ZSWIM5: variants seen among roughly 807,000 people sequenced by gnomAD.
ZSWIM5 encodes zinc finger SWIM domain-containing protein 5.
Under a neutral mutation model 119.6 loss-of-function variants are expected in ZSWIM5, and 55 were observed. The ratio of observed to expected loss-of-function variants is 0.46; its 90% CI spans 0.37 to 0.58. The LOEUF (loss-of-function observed/expected upper bound fraction) is 0.58. Among genes scored for constraint, ZSWIM5 ranks in the 20% least tolerant of loss-of-function variants. ZSWIM5 has a pLI of 0.00. For missense variants in ZSWIM5, 1,193 were observed against 1,512.8 expected (o/e 0.79, Z 3.51); for synonymous variants, 537 against 606.9 (o/e 0.88, Z 1.69).
chr1:45,119,834 C>T (rs965466192), intron 1 of ZSWIM5, among the ~76,000 whole-genome samples: 5 of 152,174 alleles, frequency 3.3e-5, no homozygotes, highest in African/African-American at 9.7e-5. Flanking sequence ...TTCTGATGAT[C>T]TCATCTTACA....
chr1:45,159,204 T>C (rs1645848637), intron 1 of ZSWIM5, among the ~76,000 whole-genome samples: 1 of 152,184 alleles, frequency 6.6e-6, no homozygotes, highest in Admixed American at 6.5e-5. Context: ...TAAGTTATAG[T>C]AATCACTATA....
chr1:45,035,979 AG>A, intron 9 of ZSWIM5, 59 bp downstream of exon 9: 1 of 1,584,544 alleles, frequency 6.3e-7, no homozygotes, highest in Non-Finnish European at 8.6e-7. Flanking sequence ...ACTCTATTGG[AG>A]AGGGGAGCTC....
chr1:45,069,937 G>T, intron 2 of ZSWIM5: 1 of 617,140 alleles, frequency 1.6e-6, no homozygotes, highest in South Asian at 1.9e-5. Flanking sequence ...TCTTTGATAG[G>T]AGCAAATCCA....
chr1:45,026,221 G>A (rs922681039), intron 11 of ZSWIM5, among the ~76,000 whole-genome samples: 1 of 151,912 alleles, frequency 6.6e-6, no homozygotes, highest in African/African-American at 2.4e-5. Context: ...TTTTAGTAGC[G>A]ATGAGGTCTT....
In ZSWIM5 at chr1:45,185,554, G is replaced by GA. The variant is rs1480482489; in HGVS notation, c.595+20201dup. On this transcript the variant is annotated intron_variant, in intron 1 of 13. Transcript: ENST00000359600. Reference sequence around the variant, plus strand: ...ACAAAGAACTCAAACAAATTTACAAGAAAAAAAACAAACAACCCCATCAAA... The same window carrying GA: ...ACAAAGAACTCAAACAAATTTACAAGAAAAAAAAACAAACAACCCCATCAAA... Among the ~76,000 whole-genome samples, 7 of 151,350 alleles carry GA rather than the reference G, an allele frequency of 4.6e-5. No individual in the cohort carries two copies. The South Asian group carries it at 1.3e-3, about 27-fold the overall frequency.
chr1:45,094,751 G>A (rs761402366), intron 1 of ZSWIM5, among the ~76,000 whole-genome samples: 2 of 151,780 alleles, frequency 1.3e-5, no homozygotes, highest in Non-Finnish European at 2.9e-5. Flanking sequence ...TAGTCCCATA[G>A]CCACAGTCCC....
chr1:45,033,840 G>T (rs1328289043), intron 11 of ZSWIM5, among the ~76,000 whole-genome samples: 2 of 151,596 alleles, frequency 1.3e-5, no homozygotes, highest in African/African-American at 4.8e-5. Context: ...TAGTAACTAG[G>T]GTAAAGTTTT....
chr1:45,146,852 A>T (rs1038657440), intron 1 of ZSWIM5, among the ~76,000 whole-genome samples: 10 of 152,118 alleles, frequency 6.6e-5, no homozygotes, highest in African/African-American at 2.4e-4. Context: ...CTCCCTGATT[A>T]CCCAGTCCAC....
intron 2 of ZSWIM5, among the ~76,000 whole-genome samples, chr1:45,087,129 C>A (rs548672521): frequency 7.7e-4 from 117 of 152,228 alleles, no homozygotes; most frequent in African/African-American, 2.7e-3. Context: ...AGTGATCCAC[C>A]CACCTTGACC....
Position 45,193,938 on chromosome 1 carries a change from G to GTGTATATATATATATATATATATATATA in ZSWIM5, c.595+11817_595+11818insTATATATATATATATATATATATATACA, listed in dbSNP as rs766920512. Among the ~76,000 whole-genome samples, 187 of 146,234 alleles carry GTGTATATATATATATATATATATATATA rather than the reference G, an allele frequency of 1.3e-3. 2 individuals carry two copies. Among genetic ancestry groups the GTGTATATATATATATATATATATATATA allele is most frequent in the African/African-American group, 4.4e-3 (175 of 39,560 alleles). On this transcript the variant is annotated intron_variant, in intron 1 of 13. Coordinates refer to ENST00000359600, the MANE Select transcript of ZSWIM5 (RefSeq NM_020883.2). ...TATGTGTACATATGTGTGCATATGTGTATATATATATATATATACATACAT... is the reference window on the plus strand; with the variant it reads ...TATGTGTACATATGTGTGCATATGTGTGTATATATATATATATATATATATATATATATATATATATATATACATACAT...
chr1:45,096,154 CA>C (rs1362677769), intron 1 of ZSWIM5, among the ~76,000 whole-genome samples: 2 of 152,076 alleles, frequency 1.3e-5, no homozygotes, highest in Non-Finnish European at 2.9e-5. Flanking sequence ...GCTTTTAAAA[CA>C]GTCTATTTTA....
intron 1 of ZSWIM5, among the ~76,000 whole-genome samples, chr1:45,184,405 T>G (rs1422117946): frequency 1.3e-5 from 2 of 151,642 alleles, no homozygotes; most frequent in East Asian, 1.9e-4. Context: ...CCAGGGCAAT[T>G]AGGCAGGAGA....
chr1:45,178,435 A>C (rs1014883937), intron 1 of ZSWIM5, among the ~76,000 whole-genome samples: 3 of 152,162 alleles, frequency 2.0e-5, no homozygotes, highest in Non-Finnish European at 4.4e-5. Context: ...GAAACAAAAC[A>C]AAACAAAAAT....
intron 1 of ZSWIM5, among the ~76,000 whole-genome samples, chr1:45,101,734 T>C (rs1055553346): frequency 6.6e-6 from 1 of 152,158 alleles, no homozygotes; most frequent in Non-Finnish European, 1.5e-5. Context: ...GTTCATGTCC[T>C]TTGCAGGGAC....
chr1:45,103,272 A>G (rs537068309), intron 1 of ZSWIM5, among the ~76,000 whole-genome samples: 1 of 152,372 alleles, frequency 6.6e-6, no homozygotes, highest in Middle Eastern at 3.4e-3. Flanking sequence ...CATTTACTGG[A>G]TATACTTACT....
At chr1:45,086,214 A>T (rs1437615136) in intron 2 of ZSWIM5, among the ~76,000 whole-genome samples, 1 of 152,028 alleles carries the variant, frequency 6.6e-6, no homozygotes, top group East Asian at 1.9e-4. Flanking sequence ...GTGAAAACTC[A>T]CTCATTATCA....
At chr1:45,029,933 G>A (rs1217601187) in intron 11 of ZSWIM5, among the ~76,000 whole-genome samples, 2 of 152,016 alleles carry the variant, frequency 1.3e-5, no homozygotes, top group African/African-American at 4.8e-5. Flanking sequence ...ACATATAGCT[G>A]GTTCATTTTT....
intron 1 of ZSWIM5, among the ~76,000 whole-genome samples, chr1:45,150,065 G>C (rs939686352): frequency 1.3e-5 from 2 of 151,292 alleles, no homozygotes; most frequent in African/African-American, 4.9e-5. Flanking sequence ...AGCTACTCAG[G>C]AGGCTAAGGC....
intron 5 of ZSWIM5, among the ~76,000 whole-genome samples, chr1:45,045,645 G>A (rs1645049255): frequency 6.6e-6 from 1 of 152,082 alleles, no homozygotes; most frequent in African/African-American, 2.4e-5. Flanking sequence ...CTGCTGAACT[G>A]AGAATCCACC....
Sources: allele counts gnomAD v4.1 joint callset (sites outside exome capture counted in the v4.1 genomes callset), GRCh38; gene constraint gnomAD v4.1.1; transcripts MANE v1.5; gene names NCBI Gene and HGNC (gene_info 2026-07-23, HGNC 2026-07-21).